Variants in CCSER1 observed in about 807,000 individuals in gnomAD.
The protein encoded by CCSER1 is coiled-coil serine rich protein 1, also known as serine-rich coiled-coil domain-containing protein 1.
Under a neutral mutation model 82.0 loss-of-function variants are expected in CCSER1, and 41 were observed. The ratio of observed to expected loss-of-function variants is 0.50; its 90% CI spans 0.39 to 0.65. The LOEUF (loss-of-function observed/expected upper bound fraction) is 0.65, where lower values mean the gene tolerates loss of function less well. Among genes scored for constraint, CCSER1 ranks in the 30% least tolerant of loss-of-function variants. CCSER1 has a pLI of 0.00. For synonymous variants in CCSER1, 414 were observed against 383.9 expected (o/e 1.08, Z -0.92); for missense variants, 1,119 against 1,064.2 (o/e 1.05, Z -0.72).
rs138625777 is a variant in CCSER1 at position 91,113,133 on chromosome 4, G to C, written c.2217+27139G>C. ...ATGTGTCTGTTTTACTAAATCAAGA[G>C]ATCTTCTAGGGTAGGGATTGTGTCT... On this transcript the variant is annotated intron_variant, in intron 10 of 10. Transcript: ENST00000509176. 9.5e-3 allele frequency among the ~76,000 whole-genome samples: 1,446 copies of C among 152,238 alleles called. 36 individuals are homozygous for C. The highest frequency in any genetic ancestry group is 0.033 in the African/African-American group (1,386 of 41,538).
intron 6 of CCSER1, among the ~76,000 whole-genome samples, chr4:90,661,638 A>G (rs1730803003): frequency 6.6e-6 from 1 of 152,224 alleles, no homozygotes; most frequent in African/African-American, 2.4e-5. Context: ...TTATTAGACC[A>G]TGGTACAGAT....
chr4:90,307,870 G>A (rs1327722100), intron 1 of CCSER1, among the ~76,000 whole-genome samples: 1 of 152,098 alleles, frequency 6.6e-6, no homozygotes, highest in Non-Finnish European at 1.5e-5. Context: ...TCTGTCACGT[G>A]CCTACTGCAT....
intron 9 of CCSER1, among the ~76,000 whole-genome samples, chr4:91,077,275 A>G (rs954180551): frequency 6.6e-6 from 1 of 152,206 alleles, no homozygotes; most frequent in Non-Finnish European, 1.5e-5. Context: ...AAAATGTTTA[A>G]TGCAAGCCTC....
At chr4:91,107,936 TAG>T (rs1382893130) in intron 10 of CCSER1, 2 of 152,156 alleles carry the variant, frequency 1.3e-5, no homozygotes, top group African/African-American at 2.4e-5. Context: ...AAGCAGTTTG[TAG>T]ACTCTATCAG....
chr4:91,569,565 C>T (rs1763065870), intron 10 of CCSER1, among the ~76,000 whole-genome samples: 1 of 152,128 alleles, frequency 6.6e-6, no homozygotes, highest in Non-Finnish European at 1.5e-5. Flanking sequence ...AGCACCTCTT[C>T]CCAAAATGGC....
chr4:91,415,431 A>G (rs879036186), intron 10 of CCSER1, among the ~76,000 whole-genome samples: 2 of 152,164 alleles, frequency 1.3e-5, no homozygotes, highest in African/African-American at 4.8e-5. Context: ...TGCCCTGGCC[A>G]GAAATTCCAA....
intron 9 of CCSER1, among the ~76,000 whole-genome samples, chr4:91,047,432 A>G (rs1742608334): frequency 1.3e-5 from 2 of 152,164 alleles, no homozygotes; most frequent in Admixed American, 1.3e-4. Context: ...CTCTACCACA[A>G]TAAAGAAGCC....
chr4:90,505,085 T>C (rs1479533184), intron 5 of CCSER1, among the ~76,000 whole-genome samples: 1 of 152,130 alleles, frequency 6.6e-6, no homozygotes, highest in Non-Finnish European at 1.5e-5. Context: ...CCTTAAACCA[T>C]TGCCCAAATA....
chr4:91,547,142 T>C (rs1047976443), intron 10 of CCSER1, among the ~76,000 whole-genome samples: 1 of 152,052 alleles, frequency 6.6e-6, no homozygotes, highest in Non-Finnish European at 1.5e-5. Flanking sequence ...TTAAGGTGTG[T>C]TTTATGGCCC....
chr4:91,231,240 TG>T (rs1369189914), intron 10 of CCSER1, among the ~76,000 whole-genome samples: 27 of 152,006 alleles, frequency 1.8e-4, no homozygotes, highest in Middle Eastern at 6.8e-3. Context: ...GAATAAAAGA[TG>T]GCTTAGCTCC....
intron 10 of CCSER1, among the ~76,000 whole-genome samples, chr4:91,172,325 T>G (rs1732847615): frequency 6.6e-6 from 1 of 152,102 alleles, no homozygotes; most frequent in Non-Finnish European, 1.5e-5. Flanking sequence ...AAAGGAGAGC[T>G]TAATAATAAA....
chr4:90,641,536 G>A (rs1288061685), intron 6 of CCSER1, among the ~76,000 whole-genome samples: 1 of 152,078 alleles, frequency 6.6e-6, no homozygotes, highest in African/African-American at 2.4e-5. Flanking sequence ...CCAAGTGTAT[G>A]TAATCCGAGT....
At chr4:90,144,943 T>C (rs1029595115) in intron 1 of CCSER1, among the ~76,000 whole-genome samples, 1 of 152,144 alleles carries the variant, frequency 6.6e-6, no homozygotes, top group African/African-American at 2.4e-5. Flanking sequence ...CTAAATTAAT[T>C]ACTGCTGAGT....
intron 10 of CCSER1, among the ~76,000 whole-genome samples, chr4:91,324,459 G>T (rs1746411266): frequency 1.3e-5 from 2 of 152,070 alleles, no homozygotes; most frequent in Admixed American, 6.5e-5. Flanking sequence ...TTTTGAAAAT[G>T]TTGGATCTTT....
chr4:90,781,908 G>C, intron 7 of CCSER1: 1 of 930,722 alleles, frequency 1.1e-6, no homozygotes, highest in South Asian at 5.0e-5. Flanking sequence ...TACAAAAAAA[G>C]ATAAAATCGT....
intron 10 of CCSER1, among the ~76,000 whole-genome samples, chr4:91,457,409 G>T (rs1438190589): frequency 6.6e-6 from 1 of 151,988 alleles, no homozygotes; most frequent in Non-Finnish European, 1.5e-5. Flanking sequence ...GCTCATGCCT[G>T]TACTCCCTAC....
At chr4:90,596,574 G>A (rs1783370637) in intron 5 of CCSER1, among the ~76,000 whole-genome samples, 1 of 151,622 alleles carries the variant, frequency 6.6e-6, no homozygotes, top group South Asian at 2.1e-4. Context: ...ACTAGCTTAG[G>A]TACATAGTTT....
At chr4:90,997,091 A>G (rs1737565347) in intron 9 of CCSER1, among the ~76,000 whole-genome samples, 1 of 152,200 alleles carries the variant, frequency 6.6e-6, no homozygotes, top group South Asian at 2.1e-4. Context: ...TGATTTAAAT[A>G]ATACAAATTT....
At chr4:91,130,604 C>T (rs1437021498) in intron 10 of CCSER1, among the ~76,000 whole-genome samples, 2 of 151,726 alleles carry the variant, frequency 1.3e-5, no homozygotes, top group African/African-American at 2.4e-5. Flanking sequence ...ACATATATGG[C>T]ATACTAGCCA....
Sources: gnomAD v4.1 joint callset for allele counts (sites outside exome capture counted in the v4.1 genomes callset) on GRCh38, gnomAD v4.1.1 for gene constraint, MANE v1.5 for transcripts, NCBI Gene and HGNC (gene_info 2026-07-23, HGNC 2026-07-21) for gene names.